The following COL8A1 variants were observed in gnomAD, a reference collection of about 807,000 sequenced individuals.
The protein encoded by COL8A1 is collagen type VIII alpha 1 chain.
In COL8A1, 21 loss-of-function variants were observed where a neutral mutation model predicts 42.7. The ratio of observed to expected loss-of-function variants is 0.49; its 90% confidence interval spans 0.35 to 0.71. The LOEUF (loss-of-function observed/expected upper bound fraction) is 0.71. COL8A1 is among the 30% of genes least tolerant of loss of function. COL8A1 has a pLI of 0.01. For synonymous variants in COL8A1, 367 were observed against 369.1 expected (o/e 0.99, Z 0.06); for missense variants, 788 against 962.4 (o/e 0.82, Z 2.40).
At chr3:99,654,919 C>T (rs1301529976) in intron 1 of COL8A1, among the ~76,000 whole-genome samples, 1 of 151,960 alleles carries the variant, frequency 6.6e-6, no homozygotes. Context: ...GTTCTATTAT[C>T]TCAGTTTTGT....
At chr3:99,714,359 ACAGGC>A (rs1280331535) in intron 1 of COL8A1, among the ~76,000 whole-genome samples, 3 of 151,882 alleles carry the variant, frequency 2.0e-5, no homozygotes, top group Non-Finnish European at 4.4e-5. Context: ...AAGCATTTGG[ACAGGC>A]TGGCTGGAAG....
At chr3:99,648,262 A>C (rs1937717735) in intron 1 of COL8A1, among the ~76,000 whole-genome samples, 1 of 152,098 alleles carries the variant, frequency 6.6e-6, no homozygotes, top group Admixed American at 6.5e-5. Context: ...CACAGTCCAA[A>C]GTCCATGGTC....
At chr3:99,787,446 A>G (rs1011267089) in intron 2 of COL8A1, among the ~76,000 whole-genome samples, 2 of 152,202 alleles carry the variant, frequency 1.3e-5, no homozygotes, top group African/African-American at 4.8e-5. Context: ...TCATTATTGC[A>G]GTTAACCTCA....
intron 1 of COL8A1, among the ~76,000 whole-genome samples, chr3:99,738,058 C>G (rs909467063): frequency 6.6e-6 from 1 of 152,122 alleles, no homozygotes; most frequent in Non-Finnish European, 1.5e-5. Flanking sequence ...AGTTCTCGAG[C>G]CTTGGTTTTC....
At chr3:99,740,143 A>C (rs779888005) in intron 1 of COL8A1, among the ~76,000 whole-genome samples, 4 of 152,178 alleles carry the variant, frequency 2.6e-5, no homozygotes, top group Non-Finnish European at 4.4e-5. Context: ...CCTGGACTTC[A>C]TTATCCATAT....
intron 1 of COL8A1, chr3:99,703,443 G>A (rs1382011465): frequency 1.3e-5 from 2 of 152,132 alleles, no homozygotes; most frequent in African/African-American, 2.4e-5. Context: ...TAAATGCAGA[G>A]GCAAGGAAAA....
At chr3:99,724,133 T>A (rs1940235562) in intron 1 of COL8A1, among the ~76,000 whole-genome samples, 1 of 152,116 alleles carries the variant, frequency 6.6e-6, no homozygotes, top group Admixed American at 6.6e-5. Context: ...GTTTCTGACA[T>A]GACTGGATGC....
chr3:99,731,311 C>T (rs890206513), intron 1 of COL8A1, among the ~76,000 whole-genome samples: 1 of 152,044 alleles, frequency 6.6e-6, no homozygotes, highest in African/African-American at 2.4e-5. Context: ...AATGGTGAAG[C>T]GTCCAGACAG....
chr3:99,714,133 G>A (rs1442841624), intron 1 of COL8A1, among the ~76,000 whole-genome samples: 1 of 152,054 alleles, frequency 6.6e-6, no homozygotes, highest in East Asian at 1.9e-4. Context: ...CCCTGGACGT[G>A]TCTAAAAACA....
chr3:99,690,913 C>T (rs4107949), intron 1 of COL8A1, among the ~76,000 whole-genome samples: 20,020 of 152,188 alleles, frequency 0.13, 1,432 homozygotes, highest in Middle Eastern at 0.17. Context: ...TTAGTTAATG[C>T]AACAAATCTA....
chr3:99,698,615 G>A (rs1332241024), intron 1 of COL8A1, among the ~76,000 whole-genome samples: 1 of 152,194 alleles, frequency 6.6e-6, no homozygotes, highest in African/African-American at 2.4e-5. Context: ...TCTAGTTGGA[G>A]AGAGAAAATA....
rs1576473635 is a variant in COL8A1, at chr3:99,778,718, A to C, written c.-3-11962A>C. ...GCAGGAGACCTCAGCACACAAAATC[A>C]GGAGAGTAAGAATGAAAACAGTAGG... On this transcript the variant is annotated intron_variant, in intron 2 of 3. Transcript: ENST00000652472. 2.0e-5 allele frequency among the ~76,000 whole-genome samples: 3 copies of C among 152,188 alleles called. No individual in the cohort carries two copies. In the East Asian group the frequency reaches 5.8e-4, roughly 29 times the overall value.
intron 2 of COL8A1, among the ~76,000 whole-genome samples, chr3:99,755,449 T>C (rs549943300): frequency 1.4e-4 from 22 of 152,330 alleles, no homozygotes; most frequent in African/African-American, 4.6e-4. Context: ...TTGGGGAGTT[T>C]AGCAGTGAAT....
intron 2 of COL8A1, among the ~76,000 whole-genome samples, chr3:99,745,562 G>A (rs1453751653): frequency 6.6e-6 from 1 of 152,046 alleles, no homozygotes; most frequent in African/African-American, 2.4e-5. Flanking sequence ...TTTTCTGGCT[G>A]ATATTTTATA....
At position 99,790,768 on chromosome 3, in the gene COL8A1, C is replaced by T; in HGVS notation, c.86C>T (p.Ala29Val). ...LSSIRLIQAG[A>V]YYGIKPLPPQ... ...TCCATCAGGCTCATTCAGGCTGGTGCCTACTATGGGATCAAGCCGCTGCCA... is the reference window on the plus strand; with the variant it reads ...TCCATCAGGCTCATTCAGGCTGGTGTCTACTATGGGATCAAGCCGCTGCCA... Residue 29 changes from alanine to valine, a missense_variant, in exon 3 of 4, where the codon GCC (alanine) becomes GTC (valine). Around this residue, in one of 4 missense-constraint regions of COL8A1, gnomAD observed 421 missense variants for 553.1 expected, o/e 0.76. Transcript: ENST00000652472. 2.5e-6 allele frequency: 4 copies of T among 1,614,162 alleles called. No individual in the cohort carries two copies. The highest frequency in any genetic ancestry group is 1.1e-5 in the South Asian group (1 of 91,084).
At chr3:99,665,079 T>C (rs912670214) in intron 1 of COL8A1, among the ~76,000 whole-genome samples, 4 of 152,160 alleles carry the variant, frequency 2.6e-5, no homozygotes, top group Non-Finnish European at 5.9e-5. Flanking sequence ...AAGTGGGATG[T>C]GAGCTTCTCC....
rs1326864497 is a variant in COL8A1 at position 99,795,736 on chromosome 3, C to G, written c.1835C>G (p.Ala612Gly). The G allele has an allele frequency of 6.2e-7, 1 of 1,614,114 alleles. No homozygotes were observed. The highest frequency in any genetic ancestry group is 8.5e-7 in the Non-Finnish European group (1 of 1,180,004). ...AAGAAAGGCAAGAATGGAGGGCCAG[C>G]CTATGAGATGCCTGCATTTACCGCC... is the stretch of plus-strand genomic sequence containing the variant. Reference protein sequence around the residue: ...GAKKGKNGGPAYEMPAFTAEL... With the variant: ...GAKKGKNGGPGYEMPAFTAEL... Residue 612 changes from alanine (A) to glycine (G), a missense_variant, in exon 4 of 4, where the codon GCC becomes GGC. By Grantham distance (60) the Ala-to-Gly change is moderately conservative. This residue lies in a region of COL8A1 where 212 missense variants were observed against 210.9 expected (regional missense o/e 1.00). Coordinates refer to ENST00000652472, the MANE Select transcript of COL8A1 (RefSeq NM_020351.4).
chr3:99,793,774 T>C (rs1387866877), intron 3 of COL8A1, among the ~76,000 whole-genome samples: 2 of 152,214 alleles, frequency 1.3e-5, no homozygotes, highest in Middle Eastern at 3.2e-3. Context: ...CTTTTGGAGA[T>C]GGAGTTTCGC....
At chr3:99,791,194 CTACCATT>C (rs1003141637) in intron 3 of COL8A1, among the ~76,000 whole-genome samples, 184 bp downstream of exon 3, 3 of 152,182 alleles carry the variant, frequency 2.0e-5, no homozygotes, top group Non-Finnish European at 2.9e-5. Context: ...ACAGATAAGA[CTACCATT>C]TATGTTTTGC....
Sources: allele counts gnomAD v4.1 joint callset (sites outside exome capture counted in the v4.1 genomes callset), GRCh38; gene constraint gnomAD v4.1.1; regional missense constraint gnomAD v4.1.1; transcripts MANE v1.5; gene names NCBI Gene and HGNC (gene_info 2026-07-23, HGNC 2026-07-21).